Variants in SLC30A8 observed in about 807,000 individuals in gnomAD.
SLC30A8 encodes the protein proton-coupled zinc antiporter SLC30A8.
In SLC30A8, 27 loss-of-function variants were observed where a neutral mutation model predicts 36.9. The ratio of observed to expected loss-of-function variants is 0.73; its 90% confidence interval spans 0.54 to 1.01. The LOEUF (loss-of-function observed/expected upper bound fraction) is 1.01. Among genes scored for constraint, SLC30A8 ranks in the 50% least tolerant of loss-of-function variants. SLC30A8 has a pLI of 0.00. For missense variants in SLC30A8, 439 were observed against 452.0 expected (o/e 0.97, Z 0.26); for synonymous variants, 164 against 172.4 (o/e 0.95, Z 0.38).
chr8:116,990,289 T>C (rs1815587924), intron 1 of SLC30A8, among the ~76,000 whole-genome samples: 1 of 152,020 alleles, frequency 6.6e-6, no homozygotes, highest in Non-Finnish European at 1.5e-5. Context: ...TCTTTGAATA[T>C]GGCTTCTGAA....
intron 2 of SLC30A8, among the ~76,000 whole-genome samples, chr8:117,088,402 A>C (rs1044970031): frequency 1.3e-5 from 2 of 152,154 alleles, no homozygotes; most frequent in Non-Finnish European, 2.9e-5. Context: ...TATTACTGTT[A>C]GTAGACCTCT....
rs980132831 is a variant in SLC30A8, at chr8:117,043,602, A to G, written c.-226+4344A>G. On this transcript the variant is annotated intron_variant, in intron 2 of 10. Transcript: ENST00000427715. ...TATAAAACAGGGGTATTTTAACTTG[A>G]TCCCATAAGGTCTGACACCAGACAC... 6.6e-5 allele frequency among the ~76,000 whole-genome samples: 10 copies of G among 152,344 alleles called. No individual in the cohort carries two copies. The East Asian group carries it at 1.9e-3, about 29-fold the overall frequency.
At chr8:117,056,584 A>T (rs544150450) in intron 2 of SLC30A8, among the ~76,000 whole-genome samples, 5 of 152,174 alleles carry the variant, frequency 3.3e-5, no homozygotes, top group African/African-American at 1.2e-4. Flanking sequence ...TAAGAACTGC[A>T]GTCCCAGGAT....
At chr8:117,064,350 A>G (rs1446408995) in intron 2 of SLC30A8, among the ~76,000 whole-genome samples, 1 of 152,184 alleles carries the variant, frequency 6.6e-6, no homozygotes, top group Non-Finnish European at 1.5e-5. Flanking sequence ...TATAAGGGTG[A>G]AAGCTATCAA....
chr8:116,978,754 A>G (rs953446592), intron 1 of SLC30A8, among the ~76,000 whole-genome samples: 1 of 152,044 alleles, frequency 6.6e-6, no homozygotes, highest in African/African-American at 2.4e-5. Context: ...ATTTTCTGGA[A>G]ATTTTCTGAG....
chr8:116,961,341 AT>A (rs1300877121), intron 1 of SLC30A8, among the ~76,000 whole-genome samples: 1 of 152,104 alleles, frequency 6.6e-6, no homozygotes, highest in African/African-American at 2.4e-5. Flanking sequence ...AGGCAGGAGA[AT>A]GGCTTAAACC....
At chr8:117,063,585 C>G (rs1263362842) in intron 2 of SLC30A8, among the ~76,000 whole-genome samples, 1 of 152,122 alleles carries the variant, frequency 6.6e-6, no homozygotes, top group Non-Finnish European at 1.5e-5. Flanking sequence ...ATATTATAAC[C>G]TAGGTTTTTA....
chr8:117,059,346 T>C (rs576871996), intron 2 of SLC30A8, among the ~76,000 whole-genome samples: 13 of 152,322 alleles, frequency 8.5e-5, no homozygotes, highest in African/African-American at 2.4e-5. Context: ...ACAAGCCACA[T>C]TGATTTAGAA....
chr8:116,976,825 T>TCTTTCTTTTCTTTTCTTTTC (rs199570679), intron 1 of SLC30A8, among the ~76,000 whole-genome samples: 4 of 145,000 alleles, frequency 2.8e-5, no homozygotes, highest in African/African-American at 1.1e-4. Context: ...TTTCTTTCTT[T>TCTTTCTTTTCTTTTCTTTTC]TTTTTTTTTT....
chr8:116,981,639 C>T (rs560751259), intron 1 of SLC30A8, among the ~76,000 whole-genome samples: 1 of 152,308 alleles, frequency 6.6e-6, no homozygotes, highest in Non-Finnish European at 1.5e-5. Context: ...AAATGTTCAG[C>T]TCCCACTTGT....
intron 1 of SLC30A8, among the ~76,000 whole-genome samples, chr8:116,970,779 AT>A (rs146285843): frequency 0.013 from 2,039 of 152,098 alleles, 40 homozygotes; most frequent in African/African-American, 0.046. Context: ...GATGTTAGCT[AT>A]TTTTTTTATT....
intron 1 of SLC30A8, among the ~76,000 whole-genome samples, chr8:117,016,904 C>T (rs566475524): frequency 3.9e-5 from 6 of 152,036 alleles, no homozygotes; most frequent in African/African-American, 9.6e-5. Flanking sequence ...TTCTAATTCA[C>T]GTTATGTTAT....
chr8:117,024,633 A>G (rs1056925637), intron 1 of SLC30A8, among the ~76,000 whole-genome samples: 1 of 152,208 alleles, frequency 6.6e-6, no homozygotes, highest in Non-Finnish European at 1.5e-5. Context: ...ACAAAAGCAT[A>G]TACCAATAGT....
intron 1 of SLC30A8, among the ~76,000 whole-genome samples, chr8:116,975,037 G>T (rs540271477): frequency 4.1e-4 from 45 of 110,990 alleles, no homozygotes; most frequent in South Asian, 7.8e-4. Flanking sequence ...CCTGTTGTGG[G>T]GTGGGGGGAG....
At position 117,067,700 on chromosome 8, in the gene SLC30A8, C is replaced by T. The variant is rs145892295; in HGVS notation, c.-226+28442C>T. Among the ~76,000 whole-genome samples the T allele has an allele frequency of 1.2e-4, 18 of 152,154 alleles. No individual in the cohort carries two copies. In the East Asian group the frequency reaches 2.5e-3, roughly 21 times the overall value. On this transcript the variant is annotated intron_variant, in intron 2 of 10. Transcript: ENST00000427715. ...GTTTTTTGTTGATACTTAGGAAATA[C>T]GGAGTAATCATTTTTAACTTTTAGG...
intron 1 of SLC30A8, among the ~76,000 whole-genome samples, chr8:117,023,616 C>T (rs551327652): frequency 1.4e-4 from 21 of 150,388 alleles, no homozygotes; most frequent in African/African-American, 4.9e-4. Context: ...CAAACTATCA[C>T]AAGGACAAAA....
intron 2 of SLC30A8, chr8:117,056,293 T>A (rs1817868479): frequency 6.6e-6 from 1 of 152,316 alleles, no homozygotes; most frequent in South Asian, 2.1e-4. Flanking sequence ...TCCAACATGA[T>A]GTAATCAGTG....
intron 2 of SLC30A8, among the ~76,000 whole-genome samples, chr8:117,059,129 T>A (rs1817957262): frequency 6.6e-6 from 1 of 152,222 alleles, no homozygotes; most frequent in East Asian, 1.9e-4. Flanking sequence ...ACAGCAGGGC[T>A]AACTTATTCC....
In SLC30A8 at chr8:117,152,986, C is replaced by T; in HGVS notation, c.314C>T (p.Ala105Val). 6.2e-7 allele frequency: 1 copy of T among 1,613,056 alleles called. No homozygotes were observed. The highest frequency in any genetic ancestry group is 8.5e-7 in the Non-Finnish European group (1 of 1,179,296). ...AGTCTTGCTGTTGTCACAGATGCTG[C>T]CCACCTCTTAATTGACCTGACCAGT... ...AGSLAVVTDAAHLLIDLTSFL... is the reference protein window; with the variant it reads ...AGSLAVVTDAVHLLIDLTSFL... The change falls in exon 3 of 8, where the codon GCC (alanine) becomes GTC (valine). Residue 105 changes from alanine to valine, a missense_variant. By Grantham distance (64) the Ala-to-Val change is moderately conservative. Transcript: ENST00000456015.
Sources: gnomAD v4.1 joint callset for allele counts (sites outside exome capture counted in the v4.1 genomes callset) on GRCh38, gnomAD v4.1.1 for gene constraint, MANE v1.5 for transcripts, NCBI Gene and HGNC (gene_info 2026-07-23, HGNC 2026-07-21) for gene names.